ZNF451: variants seen among roughly 807,000 people sequenced by gnomAD.
ZNF451 encodes the protein zinc finger protein 451.
In ZNF451, 80 loss-of-function variants were observed where a neutral mutation model predicts 107.1. The observed-to-expected ratio is 0.75, with a 90% CI of 0.62 to 0.90. The LOEUF is 0.90. Ranked by LOEUF, ZNF451 falls within the 40% of genes least tolerant of loss-of-function variation. ZNF451 has a pLI of 0.00. For missense variants in ZNF451, 1,107 were observed against 1,236.2 expected (o/e 0.90, Z 1.57); for synonymous variants, 362 against 406.5 (o/e 0.89, Z 1.32).
chr6:57,148,679 G>A lies in ZNF451; in HGVS notation c.2594G>A (p.Ser865Asn). Reference protein sequence around the residue: ...DMEKGVENDLSYQNIEEEIVE... With the variant: ...DMEKGVENDLNYQNIEEEIVE... ...GAGAAAGGAGTTGAGAATGACCTAAGCTATCAGAATATAGGTATGGCTTTA... is the reference window on the plus strand; with the variant it reads ...GAGAAAGGAGTTGAGAATGACCTAAACTATCAGAATATAGGTATGGCTTTA... The change falls in exon 10 of 15, where the codon AGC (serine) becomes AAC (asparagine). Residue 865 changes from serine to asparagine, a missense_variant. This residue lies in a region of ZNF451 where 608 missense variants were observed against 649.2 expected (regional missense o/e 0.94). Transcript: ENST00000370706. 6.2e-7 allele frequency: 1 copy of A among 1,609,104 alleles called. No homozygotes were observed. The highest frequency in any genetic ancestry group is 8.5e-7 in the Non-Finnish European group (1 of 1,178,038).
chr6:57,107,507 A>G (rs1829919647), intron 3 of ZNF451: 2 of 984,772 alleles, frequency 2.0e-6, no homozygotes, highest in Non-Finnish European at 2.4e-6. Flanking sequence ...TCTCATTTCT[A>G]CATGTTCACA....
chr6:57,101,260 T>C, intron 3 of ZNF451: 2 of 1,550,758 alleles, frequency 1.3e-6, no homozygotes, highest in Non-Finnish European at 1.7e-6. Flanking sequence ...TGAAGCGGAG[T>C]CATGTGAAGG....
intron 4 of ZNF451, among the ~76,000 whole-genome samples, chr6:57,127,806 C>G (rs1469976639): frequency 1.3e-5 from 2 of 152,122 alleles, no homozygotes; most frequent in East Asian, 3.8e-4. Flanking sequence ...AATTTTAATA[C>G]ACATGATTGG....
chr6:57,164,727 T>C (rs1763821763), intron 14 of ZNF451, among the ~76,000 whole-genome samples: 1 of 152,206 alleles, frequency 6.6e-6, no homozygotes. Context: ...TTTAAAATGA[T>C]TGGGAACCAT....
rs1170282041 is a variant in ZNF451, at chr6:57,169,631, TG to T, written c.*1163del. The T allele has an allele frequency of 6.6e-6, 1 of 152,192 alleles. No homozygotes were observed. Among genetic ancestry groups the T allele is most frequent in the Non-Finnish European group, 1.5e-5 (1 of 68,014 alleles). 9.4% of individuals were successfully genotyped at this position (152,192 alleles called of 1,614,324 possible). A position where few individuals can be genotyped will look rare whatever the true frequency, so the allele number is the denominator to read the frequency against. On this transcript the variant is annotated 3_prime_UTR_variant, in exon 15 of 15. Coordinates refer to ENST00000370706, the MANE Select transcript of ZNF451 (RefSeq NM_001031623.3). ...AAAGGCTAGAATTTGGTTCCTTCTC[TG>T]TAACACTAAATATTTTAGTGTGAAA...
At chr6:57,119,132 G>A (rs1413549273) in intron 3 of ZNF451, among the ~76,000 whole-genome samples, 2 of 152,146 alleles carry the variant, frequency 1.3e-5, no homozygotes, top group African/African-American at 4.8e-5. Context: ...GACTTGGCCA[G>A]TGCACCACTA....
intron 14 of ZNF451, 56 bp downstream of exon 14, chr6:57,161,208 A>T (rs571143002): frequency 3.5e-4 from 367 of 1,048,128 alleles, no homozygotes; most frequent in Admixed American, 3.1e-4. Context: ...TTTTTTTTTT[A>T]AATTTCTCTG....
intron 7 of ZNF451, among the ~76,000 whole-genome samples, chr6:57,138,721 A>G (rs1276181865): frequency 6.1e-5 from 7 of 115,676 alleles, no homozygotes; most frequent in Non-Finnish European, 8.9e-5. Context: ...ATATATATAT[A>G]TATATATATA....
At chr6:57,138,741 ATGTGTG>A (rs1185366526) in intron 7 of ZNF451, among the ~76,000 whole-genome samples, 7 of 46,584 alleles carry the variant, frequency 1.5e-4, no homozygotes, top group Admixed American at 7.8e-4. Context: ...ATATATATAT[ATGTGTG>A]TGTGTGTGTG....
At chr6:57,111,230 C>G (rs1830094678) in intron 3 of ZNF451, among the ~76,000 whole-genome samples, 1 of 150,616 alleles carries the variant, frequency 6.6e-6, no homozygotes, top group African/African-American at 2.4e-5. Context: ...CCCATTCCCA[C>G]TTTTACTTTT....
intron 3 of ZNF451, among the ~76,000 whole-genome samples, chr6:57,122,889 A>T (rs1212090227): frequency 6.6e-6 from 1 of 152,220 alleles, no homozygotes; most frequent in Admixed American, 6.5e-5. Flanking sequence ...TATCCAAAGG[A>T]AAATGCTGGA....
At chr6:57,118,937 A>G (rs1165480079) in intron 3 of ZNF451, among the ~76,000 whole-genome samples, 1 of 152,210 alleles carries the variant, frequency 6.6e-6, no homozygotes, top group Non-Finnish European at 1.5e-5. Context: ...ACCTGGGTGC[A>G]AGGCTGTATG....
At chr6:57,115,281 A>T (rs549271549) in intron 3 of ZNF451, 1 of 152,268 alleles carries the variant, frequency 6.6e-6, no homozygotes, top group East Asian at 1.9e-4. Context: ...AAAAGTATCT[A>T]ATTGATTGAT....
At chr6:57,090,340 G>T (rs1253939887) in intron 1 of ZNF451, 66 bp downstream of exon 1, 3 of 1,590,962 alleles carry the variant, frequency 1.9e-6, no homozygotes, top group Non-Finnish European at 1.7e-6. Flanking sequence ...TGTTTTCTGC[G>T]GTCTGAGGCC....
chr6:57,166,016 C>T (rs561983316), intron 14 of ZNF451, among the ~76,000 whole-genome samples: 5 of 151,638 alleles, frequency 3.3e-5, no homozygotes, highest in South Asian at 4.2e-4. Flanking sequence ...AAACACTGTA[C>T]GATTAGGCTA....
At position 57,101,283 on chromosome 6, in the gene ZNF451, T is replaced by C. The variant is rs1249354047; in HGVS notation, c.186+2142T>C. The C allele has an allele frequency of 2.6e-6, 4 of 1,550,862 alleles. No individual in the cohort carries two copies. In the South Asian group the frequency reaches 4.8e-5, roughly 18 times the overall value. On this transcript the variant is annotated intron_variant, in intron 3 of 14. Coordinates refer to ENST00000370706, the MANE Select transcript of ZNF451 (RefSeq NM_001031623.3). ...AGTCATGTGAAGGGAAACCTGATTG[T>C]GTGACTTCTAAAAAACGTTTGGTTC...
chr6:57,148,936 A>G (rs920800987), intron 10 of ZNF451, among the ~76,000 whole-genome samples: 4 of 152,208 alleles, frequency 2.6e-5, no homozygotes, highest in African/African-American at 9.6e-5. Context: ...TTATTTTACA[A>G]AAGGTGTGGA....
At chr6:57,117,095 GA>G (rs1320773539) in intron 3 of ZNF451, among the ~76,000 whole-genome samples, 1 of 152,190 alleles carries the variant, frequency 6.6e-6, no homozygotes, top group East Asian at 1.9e-4. Flanking sequence ...AATTAGTAGA[GA>G]ATAACAGAGG....
chr6:57,119,718 T>C (rs1299224028), intron 3 of ZNF451, among the ~76,000 whole-genome samples: 1 of 152,208 alleles, frequency 6.6e-6, no homozygotes, highest in Non-Finnish European at 1.5e-5. Context: ...TACATTTGTT[T>C]CAATCTGTGA....
Sources: allele counts gnomAD v4.1 joint callset (sites outside exome capture counted in the v4.1 genomes callset), GRCh38; gene constraint gnomAD v4.1.1; regional missense constraint gnomAD v4.1.1; transcripts MANE v1.5; gene names NCBI Gene and HGNC (gene_info 2026-07-23, HGNC 2026-07-21).